The following FHIT variants were observed in gnomAD, a reference collection of about 807,000 sequenced individuals.
FHIT encodes fragile histidine triad diadenosine triphosphatase, also known as bis(5'-adenosyl)-triphosphatase.
A neutral mutation model predicts 17.9 loss-of-function variants in FHIT; 19 were observed. The ratio of observed to expected loss-of-function variants is 1.06; its 90% CI spans 0.74 to 1.56. The LOEUF (loss-of-function observed/expected upper bound fraction) is 1.56. Among genes scored for constraint, FHIT ranks in the 40% most tolerant of loss-of-function variants. The probability of loss-of-function intolerance (pLI) is 0.00; values close to 1 mark genes in which losing one functional copy is unlikely to be tolerated. For missense variants in FHIT, 248 were observed against 189.2 expected (o/e 1.31, Z -1.82); for synonymous variants, 81 against 69.7 (o/e 1.16, Z -0.81).
At chr3:61,077,947 C>T (rs2035021017) in intron 2 of FHIT, among the ~76,000 whole-genome samples, 3 of 152,070 alleles carry the variant, frequency 2.0e-5, no homozygotes, top group Admixed American at 2.0e-4. Flanking sequence ...CAAGGAGAGC[C>T]ATAGGAGGCT....
chr3:60,095,102 A>G (rs772676692), intron 5 of FHIT, among the ~76,000 whole-genome samples: 4 of 152,184 alleles, frequency 2.6e-5, no homozygotes, highest in Non-Finnish European at 5.9e-5. Context: ...CTGGGCAATT[A>G]TGAAGCAGGA....
At chr3:60,653,913 T>A (rs2040055721) in intron 4 of FHIT, among the ~76,000 whole-genome samples, 1 of 152,144 alleles carries the variant, frequency 6.6e-6, no homozygotes, top group Non-Finnish European at 1.5e-5. Context: ...CAAAATGTAA[T>A]CCCCGGTGCT....
At chr3:60,282,326 A>G (rs12638410) in intron 5 of FHIT, among the ~76,000 whole-genome samples, 39,041 of 151,984 alleles carry the variant, frequency 0.26, 5,716 homozygotes, top group East Asian at 0.69. Flanking sequence ...CTTTAAAAGA[A>G]CTCTTATGCC....
chr3:60,145,529 T>G (rs1700203632), intron 5 of FHIT, among the ~76,000 whole-genome samples: 1 of 152,216 alleles, frequency 6.6e-6, no homozygotes, highest in Non-Finnish European at 1.5e-5. Flanking sequence ...TTAAAGGCAC[T>G]AAATCTCCAC....
At chr3:60,069,247 T>G (rs2630179) in intron 5 of FHIT, among the ~76,000 whole-genome samples, 52,738 of 152,070 alleles carry the variant, frequency 0.35, 10,369 homozygotes, top group African/African-American at 0.53. Context: ...TTATATATTG[T>G]AATTTGAACT....
intron 4 of FHIT, among the ~76,000 whole-genome samples, chr3:60,693,656 T>G (rs1460060494): frequency 6.6e-6 from 1 of 152,222 alleles, no homozygotes; most frequent in Non-Finnish European, 1.5e-5. Context: ...TTCTGCCTTG[T>G]CAGTGCTGAA....
chr3:60,476,258 T>A (rs1385513332), intron 5 of FHIT, among the ~76,000 whole-genome samples: 1 of 152,104 alleles, frequency 6.6e-6, no homozygotes, highest in Non-Finnish European at 1.5e-5. Flanking sequence ...AGCTAATGTG[T>A]CAAAAGTACC....
At chr3:60,739,565 G>A (rs186992752) in intron 4 of FHIT, among the ~76,000 whole-genome samples, 28 of 152,268 alleles carry the variant, frequency 1.8e-4, no homozygotes, top group Non-Finnish European at 3.4e-4. Flanking sequence ...ATTTGAGGTG[G>A]GATGATTCTT....
At chr3:60,743,650 CT>C (rs1553714465) in intron 4 of FHIT, among the ~76,000 whole-genome samples, 1 of 152,210 alleles carries the variant, frequency 6.6e-6, no homozygotes, top group African/African-American at 2.4e-5. Flanking sequence ...GCCAAGCCTT[CT>C]AAGTCCCAAA....
At chr3:61,058,637 T>A (rs2034312837) in intron 2 of FHIT, among the ~76,000 whole-genome samples, 1 of 152,174 alleles carries the variant, frequency 6.6e-6, no homozygotes, top group Non-Finnish European at 1.5e-5. Flanking sequence ...TCCTTCCTCT[T>A]CACCTTCTAC....
chr3:60,366,046 A>G (rs1700093974), intron 5 of FHIT, among the ~76,000 whole-genome samples: 1 of 152,206 alleles, frequency 6.6e-6, no homozygotes, highest in Non-Finnish European at 1.5e-5. Flanking sequence ...TGGCAAGTAC[A>G]TATTTGTCAG....
intron 4 of FHIT, among the ~76,000 whole-genome samples, chr3:60,734,007 T>C (rs1214228079): frequency 1.3e-5 from 2 of 152,162 alleles, no homozygotes; most frequent in Non-Finnish European, 2.9e-5. Flanking sequence ...AAACACTTTA[T>C]CTGAATAATG....
In FHIT at chr3:61,033,703, C is replaced by A. The variant is rs143190508; in HGVS notation, c.-111+8344G>T. Among the ~76,000 whole-genome samples the A allele has an allele frequency of 4.1e-3, 627 of 152,280 alleles. 7 individuals carry two copies. The highest frequency in any genetic ancestry group is 0.014 in the African/African-American group (599 of 41,554). On this transcript the variant is annotated intron_variant, in intron 3 of 9. Transcript: ENST00000492590. ...ATAGAAAAACTCTGTTCTTACTCTACCTTCCACTTTATGTCTGTTTTTAAT... is the reference window on the plus strand; with the variant it reads ...ATAGAAAAACTCTGTTCTTACTCTAACTTCCACTTTATGTCTGTTTTTAAT...
At chr3:59,896,720 G>C (rs1704088817) in intron 8 of FHIT, among the ~76,000 whole-genome samples, 2 of 152,098 alleles carry the variant, frequency 1.3e-5, no homozygotes, top group African/African-American at 2.4e-5. Flanking sequence ...GACCAGCATG[G>C]CATGAAAATA....
chr3:60,167,119 C>T (rs917133122), intron 5 of FHIT, among the ~76,000 whole-genome samples: 24 of 152,164 alleles, frequency 1.6e-4, no homozygotes, highest in African/African-American at 4.1e-4. Context: ...GTCTTTCCCC[C>T]CTTTCTAAGA....
At chr3:60,225,493 G>A (rs1369611853) in intron 5 of FHIT, among the ~76,000 whole-genome samples, 5 of 152,172 alleles carry the variant, frequency 3.3e-5, no homozygotes, top group African/African-American at 9.7e-5. Flanking sequence ...AAATGTCTGG[G>A]TATTAGGGAT....
At position 60,447,928 on chromosome 3, in the gene FHIT, G is replaced by A. The variant is rs139769594; in HGVS notation, c.103+88932C>T. 5.3e-3 allele frequency among the ~76,000 whole-genome samples: 812 copies of A among 152,266 alleles called. 9 individuals are homozygous for A. The highest frequency in any genetic ancestry group is 0.019 in the African/African-American group (784 of 41,560). ...TCCAACTGGGACTTCCAATATTCCT[G>A]AAAATTCACCTGCAGAAGAAAGTAA... is the stretch of plus-strand genomic sequence containing the variant. On this transcript the variant is annotated intron_variant, in intron 5 of 9. Coordinates refer to ENST00000492590, the MANE Select transcript of FHIT (RefSeq NM_002012.4).
At chr3:59,798,859 G>A (rs1402642484) in intron 8 of FHIT, among the ~76,000 whole-genome samples, 1 of 152,226 alleles carries the variant, frequency 6.6e-6, no homozygotes, top group South Asian at 2.1e-4. Flanking sequence ...CAAACACTGT[G>A]GCTGGCAGAG....
chr3:60,365,447 A>C (rs17607715), intron 5 of FHIT, among the ~76,000 whole-genome samples: 57,296 of 151,934 alleles, frequency 0.38, 11,094 homozygotes, highest in Non-Finnish European at 0.43. Context: ...TTTAAAATAG[A>C]TCTTAACACC....
Sources: gnomAD v4.1 joint callset for allele counts (sites outside exome capture counted in the v4.1 genomes callset) on GRCh38, gnomAD v4.1.1 for gene constraint, MANE v1.5 for transcripts, NCBI Gene and HGNC (gene_info 2026-07-23, HGNC 2026-07-21) for gene names.